Variants in MYRIP observed in about 807,000 individuals in gnomAD.
The protein encoded by MYRIP is myosin VIIA and Rab interacting protein, also known as rab effector MyRIP.
MYRIP carries 49 observed loss-of-function variants against 98.0 expected under a neutral mutation model. That is an observed-to-expected ratio of 0.50 (90% CI 0.40 to 0.63). MYRIP has a LOEUF of 0.63. Among genes scored for constraint, MYRIP ranks in the 30% least tolerant of loss-of-function variants. The pLI is 0.00. For missense variants in MYRIP, 1,004 were observed against 1,058.2 expected, an observed-to-expected ratio of 0.95 and a Z score of 0.71; for synonymous variants, 404 against 409.5, an observed-to-expected ratio of 0.99 and a Z score of 0.16.
chr3:40,014,273 A>ATT (rs1186882872), intron 2 of MYRIP, among the ~76,000 whole-genome samples: 2 of 152,186 alleles, frequency 1.3e-5, no homozygotes, highest in Non-Finnish European at 2.9e-5. Flanking sequence ...ATTTATTTGA[A>ATT]TTTTTTCCCT....
chr3:39,827,593 C>T (rs961746447), intron 1 of MYRIP, among the ~76,000 whole-genome samples: 2 of 152,038 alleles, frequency 1.3e-5, no homozygotes, highest in Admixed American at 6.6e-5. Flanking sequence ...TTTGTTGCTG[C>T]TTGATTTTCT....
At position 40,258,473 on chromosome 3, in the gene MYRIP, T is replaced by C. The variant is rs1953671231; in HGVS notation, c.*307T>C. ...ATATTTTCCCTGTTTGCTTTGCTAC[T>C]GTATGTTGACTTTAAGATCTTTTTT... On this transcript the variant is annotated 3_prime_UTR_variant, in exon 17 of 17. Coordinates refer to ENST00000302541, the MANE Select transcript of MYRIP (RefSeq NM_015460.4). The C allele has an allele frequency of 2.7e-6, 1 of 366,932 alleles. No homozygotes were observed. Among genetic ancestry groups the C allele is most frequent in the African/African-American group, 2.0e-5 (1 of 50,420 alleles). 22.7% of individuals were successfully genotyped at this position (366,932 alleles called of 1,614,324 possible).
intron 3 of MYRIP, among the ~76,000 whole-genome samples, chr3:40,045,690 G>A (rs13326962): frequency 0.38 from 57,245 of 152,006 alleles, 10,906 homozygotes; most frequent in East Asian, 0.58. Flanking sequence ...CAGGAGTTTG[G>A]GATGCACACA....
chr3:39,907,035 A>G (rs561112211), intron 2 of MYRIP, among the ~76,000 whole-genome samples: 106 of 152,174 alleles, frequency 7.0e-4, no homozygotes, highest in African/African-American at 2.3e-3. Flanking sequence ...GAGGCCTGGC[A>G]TCAATTGGAG....
chr3:40,148,264 T>A (rs546280554), intron 3 of MYRIP, among the ~76,000 whole-genome samples: 28 of 152,346 alleles, frequency 1.8e-4, no homozygotes, highest in Admixed American at 5.9e-4. Flanking sequence ...TTGTCTGCTT[T>A]ATTTTGTTTT....
intron 2 of MYRIP, among the ~76,000 whole-genome samples, chr3:39,918,924 G>A (rs541238246): frequency 2.0e-5 from 3 of 152,286 alleles, no homozygotes; most frequent in East Asian, 3.9e-4. Flanking sequence ...CTTTTAAAGT[G>A]TCAGACTCTC....
chr3:40,063,757 C>T (rs1948070267), intron 3 of MYRIP, among the ~76,000 whole-genome samples: 1 of 152,152 alleles, frequency 6.6e-6, no homozygotes. Flanking sequence ...TCAGCAAGTT[C>T]CCAGGCCTAC....
chr3:39,915,562 T>G, intron 2 of MYRIP, among the ~76,000 whole-genome samples: 1 of 152,012 alleles, frequency 6.6e-6, no homozygotes, highest in East Asian at 1.9e-4. Context: ...ACCAAGAGAT[T>G]TTATTTACTA....
At chr3:39,904,490 C>G (rs1051417876) in intron 2 of MYRIP, among the ~76,000 whole-genome samples, 3 of 152,284 alleles carry the variant, frequency 2.0e-5, no homozygotes, top group African/African-American at 7.2e-5. Flanking sequence ...CCCACCTCGG[C>G]CTCCCAAAGT....
intron 9 of MYRIP, among the ~76,000 whole-genome samples, chr3:40,185,664 C>T (rs1443710663): frequency 6.6e-6 from 1 of 152,092 alleles, no homozygotes; most frequent in Non-Finnish European, 1.5e-5. Context: ...TCCAAAGAGG[C>T]ATGAGGCAAC....
chr3:40,122,401 TAATA>T (rs1436692918), intron 3 of MYRIP, among the ~76,000 whole-genome samples: 1 of 151,498 alleles, frequency 6.6e-6, no homozygotes, highest in African/African-American at 2.4e-5. Context: ...TTTTTATTTT[TAATA>T]AATATTATAA....
chr3:39,850,709 G>A (rs1244068291), intron 1 of MYRIP, among the ~76,000 whole-genome samples: 1 of 152,102 alleles, frequency 6.6e-6, no homozygotes, highest in African/African-American at 2.4e-5. Flanking sequence ...TTTTTTTCAT[G>A]ATCTTGTGTT....
At chr3:39,957,188 C>T (rs1945188229) in intron 2 of MYRIP, among the ~76,000 whole-genome samples, 1 of 151,778 alleles carries the variant, frequency 6.6e-6, no homozygotes, top group Non-Finnish European at 1.5e-5. Flanking sequence ...ATGAGGCCAG[C>T]ATCATCCTGA....
At chr3:40,063,914 G>C (rs947757704) in intron 3 of MYRIP, among the ~76,000 whole-genome samples, 14 of 152,158 alleles carry the variant, frequency 9.2e-5, no homozygotes, top group Admixed American at 7.2e-4. Context: ...CCAGTGGCTA[G>C]AGCAACAACA....
intron 2 of MYRIP, among the ~76,000 whole-genome samples, chr3:40,006,306 G>T (rs1338273893): frequency 6.6e-6 from 1 of 152,122 alleles, no homozygotes; most frequent in Non-Finnish European, 1.5e-5. Context: ...CAGCTTAGAA[G>T]GAGGCTGTTG....
intron 2 of MYRIP, among the ~76,000 whole-genome samples, chr3:39,983,308 A>G (rs1441566183): frequency 6.6e-6 from 1 of 152,246 alleles, no homozygotes; most frequent in Non-Finnish European, 1.5e-5. Flanking sequence ...ACAACACAAA[A>G]GGTAATAGTT....
intron 3 of MYRIP, among the ~76,000 whole-genome samples, chr3:40,065,116 A>C (rs1378703964): frequency 1.3e-5 from 2 of 152,176 alleles, no homozygotes; most frequent in African/African-American, 4.8e-5. Flanking sequence ...TGTAAGAGGA[A>C]TCATCCTTTG....
intron 2 of MYRIP, among the ~76,000 whole-genome samples, chr3:39,968,044 T>C (rs1288774249): frequency 6.6e-6 from 1 of 152,178 alleles, no homozygotes; most frequent in African/African-American, 2.4e-5. Flanking sequence ...ACTCTGCTGA[T>C]AGTTGCTTTT....
At chr3:40,046,443 A>G (rs1947669714) in intron 3 of MYRIP, among the ~76,000 whole-genome samples, 1 of 151,616 alleles carries the variant, frequency 6.6e-6, no homozygotes, top group Non-Finnish European at 1.5e-5. Context: ...TGACCCAAAT[A>G]GAACAGGACG....
Sources: allele counts gnomAD v4.1 joint callset (sites outside exome capture counted in the v4.1 genomes callset), GRCh38; gene constraint gnomAD v4.1.1; transcripts MANE v1.5; gene names NCBI Gene and HGNC (gene_info 2026-07-23, HGNC 2026-07-21).